The following BICD1 variants were observed in gnomAD, a reference collection of about 807,000 sequenced individuals.
The protein encoded by BICD1 is BICD cargo adaptor 1.
A neutral mutation model predicts 92.5 loss-of-function variants in BICD1; 35 were observed. The observed-to-expected ratio is 0.38, with a 90% confidence interval of 0.29 to 0.50. The LOEUF (loss-of-function observed/expected upper bound fraction) is 0.50, where lower values mean the gene tolerates loss of function less well. Among genes scored for constraint, BICD1 ranks in the 20% least tolerant of loss-of-function variants. BICD1 has a pLI of 0.93. For missense variants in BICD1, 950 were observed against 1,189.8 expected, an observed-to-expected ratio of 0.80 and a Z score of 2.97; for synonymous variants, 429 against 465.1, an observed-to-expected ratio of 0.92 and a Z score of 1.00.
At position 32,175,570 on chromosome 12, in the gene BICD1, G is replaced by T. The variant is rs141840741; in HGVS notation, c.214-40677G>T. Among the ~76,000 whole-genome samples the T allele has an allele frequency of 3.6e-3, 549 of 152,220 alleles. 3 individuals carry two copies. Among genetic ancestry groups the T allele is most frequent in the African/African-American group, 0.012 (518 of 41,522 alleles). On this transcript the variant is annotated intron_variant, in intron 1 of 9. Coordinates refer to ENST00000652176, the MANE Select transcript of BICD1 (RefSeq NM_001714.4). ...GACCTCGGGTGATCCACCCACCTCG[G>T]CCTCCCCAAAGTGCTGAGACGACAG...
At chr12:32,210,144 G>A (rs1012285841) in intron 1 of BICD1, among the ~76,000 whole-genome samples, 1 of 151,276 alleles carries the variant, frequency 6.6e-6, no homozygotes, top group African/African-American at 2.4e-5. Context: ...TGTTTTCCCA[G>A]AACATAGCTG....
chr12:32,138,642 A>G (rs1942808262), intron 1 of BICD1, among the ~76,000 whole-genome samples: 1 of 152,182 alleles, frequency 6.6e-6, no homozygotes, highest in Non-Finnish European at 1.5e-5. Context: ...TTTACTTTAA[A>G]TAGGCTTTGT....
intron 2 of BICD1, among the ~76,000 whole-genome samples, chr12:32,268,344 A>G (rs957633762): frequency 6.6e-6 from 1 of 152,178 alleles, no homozygotes; most frequent in African/African-American, 2.4e-5. Context: ...CCAGATATGA[A>G]CAGATGTGCA....
chr12:32,381,311 A>C lies in BICD1; in HGVS notation c.*3684A>C, dbSNP rs2136355410. The C allele has an allele frequency of 6.6e-6, 1 of 152,282 alleles. No individual in the cohort carries two copies. Among genetic ancestry groups the C allele is most frequent in the South Asian group, 2.1e-4 (1 of 4,828 alleles). 9.4% of individuals were successfully genotyped at this position (152,282 alleles called of 1,614,324 possible). On this transcript the variant is annotated 3_prime_UTR_variant, in exon 10 of 10. Coordinates refer to ENST00000652176, the MANE Select transcript of BICD1 (RefSeq NM_001714.4). ...CAGAGTCTAAAAAAACAATGTCCTC[A>C]GGAATACTTCAGAAATAGAAGGTAT...
At chr12:32,229,229 C>T (rs1407588262) in intron 2 of BICD1, among the ~76,000 whole-genome samples, 4 of 151,948 alleles carry the variant, frequency 2.6e-5, no homozygotes, top group African/African-American at 7.3e-5. Context: ...CCAGTCTTGG[C>T]GACAGAGCAA....
intron 8 of BICD1, among the ~76,000 whole-genome samples, chr12:32,348,045 G>T (rs78230552): frequency 0.039 from 5,986 of 152,132 alleles, 353 homozygotes; most frequent in East Asian, 0.3. Context: ...GGACCCATTC[G>T]ACAAAAATGC....
rs1233094983 is a variant in BICD1 at position 32,198,326 on chromosome 12, C to CTATATATATA, written c.214-17918_214-17917insATATATATAT. Among the ~76,000 whole-genome samples, 81 of 112,234 alleles carry CTATATATATA rather than the reference C, an allele frequency of 7.2e-4. 2 individuals carry two copies. The highest frequency in any genetic ancestry group is 2.6e-3 in the African/African-American group (75 of 28,342). 73.6% of individuals were successfully genotyped at this position (112,234 alleles called of 152,430 possible). ...GGATGATTATGGGAATAATATGCATCTATCTATATATATATATATATATAT... is the reference window on the plus strand; with the variant it reads ...GGATGATTATGGGAATAATATGCATCTATATATATATATCTATATATATATATATATATAT... On this transcript the variant is annotated intron_variant, in intron 1 of 9. Transcript: ENST00000652176.
chr12:32,197,203 T>C (rs1351530798), intron 1 of BICD1, among the ~76,000 whole-genome samples: 2 of 152,066 alleles, frequency 1.3e-5, no homozygotes, highest in Non-Finnish European at 2.9e-5. Context: ...GAGGCGGGGT[T>C]TCACCATGTT....
chr12:32,273,900 C>T lies in BICD1; in HGVS notation c.427-20094C>T, dbSNP rs543198973. Among the ~76,000 whole-genome samples, 6 of 152,308 alleles carry T rather than the reference C, an allele frequency of 3.9e-5. No individual in the cohort carries two copies. In the South Asian group the frequency reaches 1.2e-3, roughly 32 times the overall value. On this transcript the variant is annotated intron_variant, in intron 2 of 9. Coordinates refer to ENST00000652176, the MANE Select transcript of BICD1 (RefSeq NM_001714.4). ...TCCACCTCACAGACTGAACACCAGG[C>T]CACCACACAGGAACTGAAGAGGCCA...
chr12:32,282,199 C>CTTT (rs1565639578), intron 2 of BICD1, among the ~76,000 whole-genome samples: 4 of 68,992 alleles, frequency 5.8e-5, no homozygotes, highest in Non-Finnish European at 1.1e-4. Flanking sequence ...TTCAGGTCTT[C>CTTT]TTCTTTTTTT....
chr12:32,124,525 C>A (rs1035940584), intron 1 of BICD1, among the ~76,000 whole-genome samples: 5 of 152,080 alleles, frequency 3.3e-5, no homozygotes, highest in Non-Finnish European at 7.3e-5. Context: ...TGACACATGA[C>A]AAGCACTTGA....
intron 4 of BICD1, among the ~76,000 whole-genome samples, chr12:32,314,122 C>T (rs1357367295): frequency 6.6e-6 from 1 of 152,196 alleles, no homozygotes; most frequent in Admixed American, 6.5e-5. Context: ...TTTCTGTTGT[C>T]AAATAATACT....
At chr12:32,325,381 A>C (rs261896) in intron 4 of BICD1, among the ~76,000 whole-genome samples, 90,277 of 151,952 alleles carry the variant, frequency 0.59, 27,357 homozygotes, top group Middle Eastern at 0.69. Flanking sequence ...TTATGTAGTG[A>C]TTTTATAGAC....
chr12:32,277,346 A>G (rs940530618), intron 2 of BICD1, among the ~76,000 whole-genome samples: 5 of 152,220 alleles, frequency 3.3e-5, no homozygotes, highest in Non-Finnish European at 7.3e-5. Flanking sequence ...GTGAGCTGAG[A>G]TCATGCCACT....
chr12:32,166,870 G>C (rs1401774864), intron 1 of BICD1, among the ~76,000 whole-genome samples: 3 of 152,182 alleles, frequency 2.0e-5, no homozygotes, highest in African/African-American at 7.2e-5. Context: ...ATAGGTTTTG[G>C]TGAAAATTGA....
At chr12:32,183,180 G>A (rs535034721) in intron 1 of BICD1, among the ~76,000 whole-genome samples, 9 of 151,210 alleles carry the variant, frequency 6.0e-5, no homozygotes, top group Non-Finnish European at 1.3e-4. Context: ...GATTACAGGG[G>A]TGAGCCACCA....
chr12:32,276,964 C>A, intron 2 of BICD1, among the ~76,000 whole-genome samples: 1 of 120,652 alleles, frequency 8.3e-6, no homozygotes, highest in East Asian at 2.5e-4. Context: ...AACATTCTTT[C>A]TCATTTTTTC....
At chr12:32,177,142 C>A (rs1251660744) in intron 1 of BICD1, among the ~76,000 whole-genome samples, 2 of 151,642 alleles carry the variant, frequency 1.3e-5, no homozygotes, top group Non-Finnish European at 2.9e-5. Context: ...TGGTGAAACC[C>A]CATCTCTACT....
chr12:32,295,371 A>C (rs1342618844), intron 3 of BICD1, among the ~76,000 whole-genome samples: 1 of 152,154 alleles, frequency 6.6e-6, no homozygotes, highest in Non-Finnish European at 1.5e-5. Context: ...CGACACCTCT[A>C]TTCTGGTCTA....
Sources: gnomAD v4.1 joint callset for allele counts (sites outside exome capture counted in the v4.1 genomes callset) on GRCh38, gnomAD v4.1.1 for gene constraint, MANE v1.5 for transcripts, NCBI Gene and HGNC (gene_info 2026-07-23, HGNC 2026-07-21) for gene names.